Variants in NUP210 observed in about 807,000 individuals in gnomAD.
The protein encoded by NUP210 is nuclear pore membrane glycoprotein 210.
A neutral mutation model predicts 196.0 loss-of-function variants in NUP210; 151 were observed. That is an observed-to-expected ratio of 0.77 (90% CI 0.67 to 0.88). The LOEUF is 0.88. Among genes scored for constraint, NUP210 ranks in the 40% least tolerant of loss-of-function variants. NUP210 has a pLI of 0.00. For missense variants in NUP210, 2,314 were observed against 2,493.7 expected, an observed-to-expected ratio of 0.93 and a Z score of 1.53; for synonymous variants, 1,070 against 1,052.7, an observed-to-expected ratio of 1.02 and a Z score of -0.32.
In NUP210 at chr3:13,348,661, G is replaced by T. The variant is rs558900127; in HGVS notation, c.2835+3218C>A. On this transcript the variant is annotated intron_variant, in intron 20 of 39. Coordinates refer to ENST00000254508, the MANE Select transcript of NUP210 (RefSeq NM_024923.4). The surrounding 1 kb of genome is among the most constrained non-coding windows in gnomAD (Gnocchi z 4.0). ...GAATGCTTAGGAGACGCTGCTTGTG[G>T]TCTCAGGCTCCTCGCCTCCTCCAGT... The T allele has an allele frequency of 1.0e-6, 1 of 985,396 alleles. No individual in the cohort carries two copies. Among genetic ancestry groups the T allele is most frequent in the East Asian group, 1.1e-4 (1 of 8,804 alleles). The allele number at this position is 985,396 out of a possible 1,614,324, so 61.0% of individuals were successfully genotyped here. A position where few individuals can be genotyped will look rare whatever the true frequency, so the allele number is the denominator to read the frequency against.
rs757693211 is a variant in NUP210 at position 13,379,678 on chromosome 3, G to C, written c.861C>G (p.Asn287Lys). 1.9e-6 allele frequency: 3 copies of C among 1,613,552 alleles called. No individual in the cohort carries two copies. The East Asian group carries it at 6.7e-5, about 36-fold the overall frequency. The part of the protein sequence containing the change: ...PSDQYELQLQ[N>K]SIPGPEGDPA... ...GGTCTCCTTCGGGGCCCGGGATGCT[G>C]TTCTGAAGCTGCAACTCGTACTGAT... The change falls in exon 7 of 40, where the codon AAC (asparagine) becomes AAG (lysine). Residue 287 changes from asparagine (N) to lysine (K), a missense_variant. Coordinates refer to ENST00000254508, the MANE Select transcript of NUP210 (RefSeq NM_024923.4). This position sits in a 1 kb window ranked among gnomAD's most constrained non-coding sequence, Gnocchi z 4.2.
At chr3:13,402,948 T>G (rs1699886683) in intron 1 of NUP210, among the ~76,000 whole-genome samples, 1 of 130,570 alleles carries the variant, frequency 7.7e-6, no homozygotes. Context: ...ACAGTCGGCA[T>G]CCCATGTCCT....
At chr3:13,326,181 C>T (rs1696745412) in intron 32 of NUP210, among the ~76,000 whole-genome samples, 1 of 152,248 alleles carries the variant, frequency 6.6e-6, no homozygotes, top group South Asian at 2.1e-4. Flanking sequence ...GCCCCTAGCA[C>T]CTGCTCTCCC....
At chr3:13,329,870 G>A (rs549195939) in intron 30 of NUP210, among the ~76,000 whole-genome samples, 1 of 152,170 alleles carries the variant, frequency 6.6e-6, no homozygotes, top group Non-Finnish European at 1.5e-5. Context: ...AGAAGGACAC[G>A]GCCCAAACCA....
chr3:13,335,608 G>C lies in NUP210; in HGVS notation c.3689C>G (p.Ser1230Trp), dbSNP rs748810442. 1 of 1,613,938 alleles carries C rather than the reference G, an allele frequency of 6.2e-7. No homozygotes were observed. Among genetic ancestry groups the C allele is most frequent in the African/African-American group, 1.3e-5 (1 of 75,064 alleles). The change falls in exon 28 of 40, where the codon TCG becomes TGG. Residue 1230 changes from serine to tryptophan, a missense_variant. Physicochemically the swap from Ser to Trp is radical, Grantham distance 177 (BLOSUM62 -3). Transcript: ENST00000254508. ...LDLRGRHHEA[S>W]IRLPSQYNFA... ...GTTGTACTGTGACGGGAGTCGGATC[G>C]ACGCCTGGGAAGACATCAAACACGT...
At chr3:13,393,235 G>C (rs531320215) in intron 3 of NUP210, among the ~76,000 whole-genome samples, 9 of 152,154 alleles carry the variant, frequency 5.9e-5, no homozygotes, top group Non-Finnish European at 1.0e-4. Context: ...ACAACGGTCC[G>C]CTTATGGACA....
intron 28 of NUP210, among the ~76,000 whole-genome samples, chr3:13,333,801 T>A (rs965431853): frequency 9.2e-5 from 14 of 152,240 alleles, no homozygotes. Context: ...CTTCTATTTT[T>A]TTTTAAACCA....
At chr3:13,369,724 G>T (rs1229945397) in intron 13 of NUP210, among the ~76,000 whole-genome samples, 1 of 152,184 alleles carries the variant, frequency 6.6e-6, no homozygotes, top group African/African-American at 2.4e-5. Flanking sequence ...ATTTCACCAT[G>T]TACGAGCAGG....
In NUP210 at chr3:13,337,842, T is replaced by C; in HGVS notation, c.3547A>G (p.Thr1183Ala). 6.2e-7 allele frequency: 1 copy of C among 1,610,332 alleles called. No individual in the cohort carries two copies. The highest frequency in any genetic ancestry group is 8.5e-7 in the Non-Finnish European group (1 of 1,179,218). The change falls in exon 26 of 40, where the codon ACC becomes GCC. Residue 1183 changes from threonine to alanine, a missense_variant. Physicochemically the swap from Thr to Ala is moderately conservative, Grantham distance 58. Coordinates refer to ENST00000254508, the MANE Select transcript of NUP210 (RefSeq NM_024923.4). ...RAPIMRMRTG[T>A]QMPIYVTGIT... ...AGCCCAGGAGGTCCCCTCACCTGGGTGCCCGTCCTCATCCGCATGATGGGG... is the reference window on the plus strand; with the variant it reads ...AGCCCAGGAGGTCCCCTCACCTGGGCGCCCGTCCTCATCCGCATGATGGGG...
intron 1 of NUP210, among the ~76,000 whole-genome samples, chr3:13,401,632 C>T (rs551295370): frequency 6.6e-6 from 1 of 152,172 alleles, no homozygotes. Flanking sequence ...CCTATGAACC[C>T]GGCCCATACC....
At chr3:13,322,392 C>G in intron 34 of NUP210, 53 bp from the exon 35 acceptor site, 1 of 1,596,858 alleles carries the variant, frequency 6.3e-7, no homozygotes, top group Non-Finnish European at 8.6e-7. Context: ...GCCACCACAC[C>G]AAATTCCACC....
chr3:13,395,383 T>C (rs1337469861), intron 3 of NUP210, among the ~76,000 whole-genome samples: 1 of 152,220 alleles, frequency 6.6e-6, no homozygotes, highest in Non-Finnish European at 1.5e-5. Flanking sequence ...AATGGTGCCA[T>C]CTCGGCTCAC....
In NUP210 at chr3:13,420,006, C is replaced by G; in HGVS notation, c.167+54G>C. 9.1e-7 allele frequency: 1 copy of G among 1,100,508 alleles called. No individual in the cohort carries two copies. Among genetic ancestry groups the G allele is most frequent in the Non-Finnish European group, 1.1e-6 (1 of 901,656 alleles). 68.2% of individuals were successfully genotyped at this position (1,100,508 alleles called of 1,614,324 possible). ...TCCCGGCGCCCGCCCAGCCTCTCAGCGCGAAGGCCCAGCCCGGCCCACGGC... is the reference window on the plus strand; with the variant it reads ...TCCCGGCGCCCGCCCAGCCTCTCAGGGCGAAGGCCCAGCCCGGCCCACGGC... On this transcript the variant is annotated intron_variant, in intron 1 of 39. Coordinates refer to ENST00000254508, the MANE Select transcript of NUP210 (RefSeq NM_024923.4). The surrounding 1 kb of genome is among the most constrained non-coding windows in gnomAD (Gnocchi z 4.8).
chr3:13,365,008 G>C (rs1698483554), intron 14 of NUP210, among the ~76,000 whole-genome samples: 1 of 152,118 alleles, frequency 6.6e-6, no homozygotes. Context: ...AGGGAGTCTG[G>C]GGCTCCCCTA....
intron 1 of NUP210, among the ~76,000 whole-genome samples, chr3:13,414,872 C>A (rs1289437651): frequency 1.3e-5 from 2 of 152,204 alleles, no homozygotes; most frequent in Non-Finnish European, 2.9e-5. Context: ...ACTGTGAGTC[C>A]CTGAGAGCAG....
At chr3:13,397,552 G>C (rs1482855147) in intron 2 of NUP210, 64 bp from the exon 3 acceptor site, 2 of 1,490,334 alleles carry the variant, frequency 1.3e-6, no homozygotes, top group Non-Finnish European at 1.8e-6. Context: ...CCACTTCCAA[G>C]CCTTGCAGGC....
intron 6 of NUP210, among the ~76,000 whole-genome samples, chr3:13,383,919 GCAAATGGAC>G (rs1699185469): frequency 6.6e-6 from 1 of 152,066 alleles, no homozygotes; most frequent in South Asian, 2.1e-4. Flanking sequence ...TGAGTCCCAT[GCAAATGGAC>G]CACCTCACCG....
intron 34 of NUP210, among the ~76,000 whole-genome samples, chr3:13,322,742 G>A (rs1046409157): frequency 1.3e-5 from 2 of 152,374 alleles, no homozygotes; most frequent in Middle Eastern, 3.4e-3. Context: ...GCACAGTGCT[G>A]TCCACTTGCG....
Position 13,336,772 on chromosome 3 carries a change from G to C in NUP210, c.3684+15C>G. ...CAGGGGTGGGAGGTGAGCTCTGGAG[G>C]GGGTGGTTACCTACCTCGTGGTGCC... On this transcript the variant is annotated intron_variant, in intron 27 of 39. Coordinates refer to ENST00000254508, the MANE Select transcript of NUP210 (RefSeq NM_024923.4). 6.2e-7 allele frequency: 1 copy of C among 1,611,752 alleles called. No individual in the cohort carries two copies. The highest frequency in any genetic ancestry group is 8.5e-7 in the Non-Finnish European group (1 of 1,178,990).
Sources: allele counts gnomAD v4.1 joint callset (sites outside exome capture counted in the v4.1 genomes callset), GRCh38; gene constraint gnomAD v4.1.1; non-coding constraint Gnocchi (gnomAD v3.1); transcripts MANE v1.5; gene names NCBI Gene and HGNC (gene_info 2026-07-23, HGNC 2026-07-21).